The following TRANK1 variants were observed in gnomAD, a reference collection of about 807,000 sequenced individuals.
TRANK1 encodes tetratricopeptide repeat and ankyrin repeat containing 1.
A neutral mutation model predicts 266.0 loss-of-function variants in TRANK1; 198 were observed. The observed-to-expected ratio is 0.74, with a 90% CI of 0.66 to 0.84. The LOEUF is 0.84. Ranked by LOEUF, TRANK1 falls within the 40% of genes least tolerant of loss-of-function variation. The pLI, the probability that TRANK1 is intolerant of heterozygous loss-of-function variation, is 0.00. For missense variants in TRANK1, 3,326 were observed against 3,634.6 expected (o/e 0.92, Z 2.18); for synonymous variants, 1,396 against 1,384.1 (o/e 1.01, Z -0.19).
chr3:36,837,600 C>T (rs1030967564), intron 20 of TRANK1, among the ~76,000 whole-genome samples: 2 of 152,186 alleles, frequency 1.3e-5, no homozygotes, highest in African/African-American at 2.4e-5. Flanking sequence ...TTTAAATTTC[C>T]GATCCATCAC....
intron 20 of TRANK1, 99 bp downstream of exon 20, chr3:36,838,273 G>A: frequency 2.0e-6 from 3 of 1,511,856 alleles, no homozygotes; most frequent in Middle Eastern, 2.4e-4. Context: ...TTGGAAGACT[G>A]CAGCCTCTTC....
intron 1 of TRANK1, among the ~76,000 whole-genome samples, chr3:36,910,428 AAC>A (rs1310911858): frequency 2.0e-5 from 3 of 152,218 alleles, no homozygotes; most frequent in Non-Finnish European, 2.9e-5. Context: ...ATGTTAGAAC[AAC>A]ACACAGTTAT....
intron 8 of TRANK1, among the ~76,000 whole-genome samples, chr3:36,888,940 A>C (rs2079647115): frequency 6.6e-6 from 1 of 152,100 alleles, no homozygotes; most frequent in Admixed American, 6.6e-5. Context: ...ACTACTCAGG[A>C]GAGGCTGAGG....
In TRANK1 at chr3:36,940,737, G is replaced by A. The variant is rs1429887720; in HGVS notation, c.23+4050C>T. Reference sequence around the variant, plus strand: ...CATTAACTCCGTTCTATCACAATTAGCAGAGCCTATGTCTTATATATTTAC... The same window carrying A: ...CATTAACTCCGTTCTATCACAATTAACAGAGCCTATGTCTTATATATTTAC... On this transcript the variant is annotated intron_variant, in intron 1 of 23. Coordinates refer to ENST00000645898, the MANE Select transcript of TRANK1 (RefSeq NM_001329998.2). 4.6e-5 allele frequency among the ~76,000 whole-genome samples: 7 copies of A among 152,230 alleles called. No homozygotes were observed. In the East Asian group the frequency reaches 1.3e-3, roughly 29 times the overall value.
chr3:36,904,963 A>T (rs2079940274), intron 2 of TRANK1, among the ~76,000 whole-genome samples: 1 of 151,350 alleles, frequency 6.6e-6, no homozygotes, highest in Non-Finnish European at 1.5e-5. Flanking sequence ...TAGGGACTGA[A>T]CTTCCCCCAT....
At chr3:36,891,849 A>C (rs890340417) in intron 7 of TRANK1, among the ~76,000 whole-genome samples, 3 of 152,114 alleles carry the variant, frequency 2.0e-5, no homozygotes, top group Non-Finnish European at 4.4e-5. Flanking sequence ...GAAATAGACC[A>C]AAGCTGCCTA....
Position 36,855,600 on chromosome 3 carries a change from C to T in TRANK1, c.4122G>A (p.Lys1374=), listed in dbSNP as rs764528570. 1.2e-6 allele frequency: 2 copies of T among 1,613,892 alleles called. No homozygotes were observed. The highest frequency in any genetic ancestry group is 1.7e-6 in the Non-Finnish European group (2 of 1,179,854). The part of the protein sequence containing the change: ...PHGRLTEEVY[K]KLGRKRCPNF... ...TGGGGCACCGTTTCCTCCCTAATTT[C>T]TTATATACTTCTTCAGTGAGTCTCC... Residue 1374 remains lysine (K), a synonymous_variant, in exon 13 of 24, where the codon AAG becomes AAA. Coordinates refer to ENST00000645898, the MANE Select transcript of TRANK1 (RefSeq NM_001329998.2).
At chr3:36,930,170 A>G (rs1263154437) in intron 1 of TRANK1, among the ~76,000 whole-genome samples, 1 of 152,204 alleles carries the variant, frequency 6.6e-6, no homozygotes, top group Non-Finnish European at 1.5e-5. Flanking sequence ...CACTTTGCCC[A>G]GCTGAGATGC....
chr3:36,892,999 C>T lies in TRANK1; in HGVS notation c.553-15G>A. ...AGCAGAAATGACTGGTGGGAGAAGA[C>T]AGAAAAGGCTGGAATAATAATGTTC... On this transcript the variant is annotated splice_polypyrimidine_tract_variant and intron_variant, in intron 5 of 23. Coordinates refer to ENST00000645898, the MANE Select transcript of TRANK1 (RefSeq NM_001329998.2). 1 of 1,466,652 alleles carries T rather than the reference C, an allele frequency of 6.8e-7. No individual in the cohort carries two copies. Among genetic ancestry groups the T allele is most frequent in the South Asian group, 1.3e-5 (1 of 76,252 alleles). The allele number at this position is 1,466,652 out of a possible 1,614,324, so 90.9% of individuals were successfully genotyped here.
At chr3:36,945,577 G>A (rs569564007), upstream of TRANK1, among the ~76,000 whole-genome samples, 2 of 152,182 alleles carry the variant, frequency 1.3e-5, no homozygotes, top group African/African-American at 4.8e-5. Context: ...GTGCGCACAG[G>A]CCTGAGCAGG....
chr3:36,829,593 A>T lies in TRANK1; in HGVS notation c.8780T>A (p.Met2927Lys), dbSNP rs1437063272. 1.9e-6 allele frequency: 3 copies of T among 1,614,012 alleles called. No homozygotes were observed. The highest frequency in any genetic ancestry group is 1.7e-6 in the Non-Finnish European group (2 of 1,179,916). Residue 2927 changes from methionine to lysine, a missense_variant, in exon 23 of 24, where the codon ATG becomes AAG. Physicochemically the swap from Met to Lys is moderately conservative, Grantham distance 95. Transcript: ENST00000645898. ...LSVRDARDWL[M>K]KTETRLKKEG... The stretch of plus-strand genomic sequence containing the variant: ...CTTCTTTAAGCGGGTCTCTGTTTTC[A>T]TCAACCAGTCTCGTGCATCCCTGAC...
intron 4 of TRANK1, among the ~76,000 whole-genome samples, chr3:36,898,867 A>T (rs1324478938): frequency 6.7e-6 from 1 of 149,596 alleles, no homozygotes; most frequent in Non-Finnish European, 1.5e-5. Flanking sequence ...AAAAAAAAAA[A>T]TCTGAAACCA....
In TRANK1 at chr3:36,858,773, G is replaced by A. The variant is rs957320090; in HGVS notation, c.1617C>T (p.Leu539=). ...TKGADPRAIS[L]TEGDTPLHAA... Reference sequence around the variant, plus strand: ...CATGCAAAGGAGTATCACCTTCCGTGAGAGAAATAGCACGGGGGTCTGCGC... The same window carrying A: ...CATGCAAAGGAGTATCACCTTCCGTAAGAGAAATAGCACGGGGGTCTGCGC... The change falls in exon 12 of 24, where the codon CTC becomes CTT. Residue 539 remains leucine, a synonymous_variant. Transcript: ENST00000645898. 11 of 1,537,010 alleles carry A rather than the reference G, an allele frequency of 7.2e-6. No homozygotes were observed. The highest frequency in any genetic ancestry group is 8.7e-6 in the Non-Finnish European group (10 of 1,146,836).
In TRANK1 at chr3:36,918,468, GAAGAAAGA is replaced by G. The variant is rs148120910; in HGVS notation, c.24-10022_24-10015del. 6.8e-3 allele frequency among the ~76,000 whole-genome samples: 213 copies of G among 31,178 alleles called. 12 individuals carry two copies. Among genetic ancestry groups the G allele is most frequent in the African/African-American group, 0.011 (99 of 9,154 alleles). 20.5% of individuals were successfully genotyped at this position (31,178 alleles called of 152,430 possible). ...ATAAAGCAAAAACCCAGAAAGAAAAGAAGAAAGAAAGAAAGAAAGAAAGAAAGAAAGAA... is the reference window on the plus strand; with the variant it reads ...ATAAAGCAAAAACCCAGAAAGAAAAGAAGAAAGAAAGAAAGAAAGAAAGAA... On this transcript the variant is annotated intron_variant, in intron 1 of 23. Coordinates refer to ENST00000645898, the MANE Select transcript of TRANK1 (RefSeq NM_001329998.2).
chr3:36,912,411 T>C (rs1575306347), intron 1 of TRANK1, among the ~76,000 whole-genome samples: 1 of 152,184 alleles, frequency 6.6e-6, no homozygotes, highest in Middle Eastern at 3.4e-3. Context: ...ATCACTAGGG[T>C]ATCTTATATT....
chr3:36,864,194 T>C, intron 10 of TRANK1, 125 bp downstream of exon 10: 4 of 1,112,338 alleles, frequency 3.6e-6, no homozygotes, highest in Non-Finnish European at 4.9e-6. Flanking sequence ...CTGTGCTGTC[T>C]GAATGTTTTA....
Position 36,846,349 on chromosome 3 carries a change from T to C in TRANK1, c.5090A>G (p.Asn1697Ser), listed in dbSNP as rs562094259. ...TCGGTTTTCATCAAAGATCCAGAGG[T>C]TGACCCGAGCCCGTGTGATGGCGGT... ...LYTAITRARV[N>S]LWIFDENREK... The change falls in exon 17 of 24, where the codon AAC becomes AGC. Residue 1697 changes from asparagine to serine, a missense_variant. Physicochemically the swap from Asn to Ser is conservative, Grantham distance 46. Coordinates refer to ENST00000645898, the MANE Select transcript of TRANK1 (RefSeq NM_001329998.2). 1.9e-6 allele frequency: 3 copies of C among 1,613,886 alleles called. No homozygotes were observed. The highest frequency in any genetic ancestry group is 4.5e-5 in the East Asian group (2 of 44,890).
At position 36,889,860 on chromosome 3, in the gene TRANK1, G is replaced by A. The variant is rs571295501; in HGVS notation, c.876C>T (p.Val292=). The change falls in exon 8 of 24, where the codon GTC becomes GTT. Residue 292 remains valine (V), a synonymous_variant. Coordinates refer to ENST00000645898, the MANE Select transcript of TRANK1 (RefSeq NM_001329998.2). ...DGDGCTVLHV[V]AAHSPGYLVK... ...CGAGGTATCCTGGGGAGTGGGCAGC[G>A]ACGACGTGCAGGACAGTGCAGCCAT... 4.3e-5 allele frequency: 66 copies of A among 1,537,044 alleles called. No individual in the cohort carries two copies. The highest frequency in any genetic ancestry group is 3.3e-4 in the Middle Eastern group (2 of 6,010).
At position 36,830,978 on chromosome 3, in the gene TRANK1, C is replaced by G. The variant is rs770532632; in HGVS notation, c.8605G>C (p.Val2869Leu). 1 of 1,614,042 alleles carries G rather than the reference C, an allele frequency of 6.2e-7. No homozygotes were observed. Among genetic ancestry groups the G allele is most frequent in the Non-Finnish European group, 8.5e-7 (1 of 1,179,904 alleles). Residue 2869 changes from valine to leucine, a missense_variant, in exon 22 of 24, where the codon GTG (valine) becomes CTG (leucine). Transcript: ENST00000645898. The part of the protein sequence containing the change: ...IEQSVWIHSH[V>L]GSKEHSHMLQ... ...ATGTGGCTGTGCTCCTTGGAGCCCA[C>G]GTGACTGTGGATCCATACACTTTGC... is the stretch of plus-strand genomic sequence containing the variant.
Sources: gnomAD v4.1 joint callset for allele counts (sites outside exome capture counted in the v4.1 genomes callset) on GRCh38, gnomAD v4.1.1 for gene constraint, MANE v1.5 for transcripts, NCBI Gene and HGNC (gene_info 2026-07-23, HGNC 2026-07-21) for gene names.